The following SHANK2 variants were observed in gnomAD, a reference collection of about 807,000 sequenced individuals.
SHANK2 encodes SH3 and multiple ankyrin repeat domains 2, also known as SH3 and multiple ankyrin repeat domains protein 2.
SHANK2 carries 43 observed loss-of-function variants against 133.7 expected under a neutral mutation model. The ratio of observed to expected loss-of-function variants is 0.32; its 90% CI spans 0.25 to 0.41. The LOEUF (loss-of-function observed/expected upper bound fraction) is 0.41, where lower values mean the gene tolerates loss of function less well. SHANK2 is among the 10% of genes least tolerant of loss of function. The probability of loss-of-function intolerance (pLI) is 1.00; values close to 1 mark genes in which losing one functional copy is unlikely to be tolerated. For missense variants in SHANK2, 1,994 were observed against 2,235.8 expected (o/e 0.89, Z 2.18); for synonymous variants, 1,017 against 952.8 (o/e 1.07, Z -1.24).
intron 11 of SHANK2, among the ~76,000 whole-genome samples, chr11:70,861,130 C>T (rs1015842687): frequency 2.0e-5 from 3 of 152,216 alleles, no homozygotes; most frequent in African/African-American, 4.8e-5. Context: ...GCATTTTAAT[C>T]AGGCCCAGGT....
At chr11:70,735,585 TC>T (rs1260820010) in intron 14 of SHANK2, among the ~76,000 whole-genome samples, 10 of 151,890 alleles carry the variant, frequency 6.6e-5, no homozygotes, top group Admixed American at 2.0e-4. Flanking sequence ...GCGCCTGTAA[TC>T]CCAGCTACTT....
chr11:71,206,195 C>T (rs1954123256), intron 2 of SHANK2, among the ~76,000 whole-genome samples: 1 of 152,228 alleles, frequency 6.6e-6, no homozygotes. Flanking sequence ...TTTCTGAATT[C>T]CCTCCCATTG....
intron 2 of SHANK2, among the ~76,000 whole-genome samples, chr11:71,218,240 A>G (rs1326114517): frequency 6.6e-6 from 1 of 150,944 alleles, no homozygotes; most frequent in African/African-American, 2.4e-5. Context: ...TTATTGAAGA[A>G]ATTCTTCTAA....
chr11:71,212,211 C>T (rs1341757053), intron 2 of SHANK2, among the ~76,000 whole-genome samples: 1 of 152,134 alleles, frequency 6.6e-6, no homozygotes, highest in Non-Finnish European at 1.5e-5. Flanking sequence ...TGTACAAATG[C>T]TCTCTTATGC....
Position 70,611,538 on chromosome 11 carries a change from G to A in SHANK2, c.2061+48290C>T, listed in dbSNP as rs868994839. Among the ~76,000 whole-genome samples, 6 of 152,372 alleles carry A rather than the reference G, an allele frequency of 3.9e-5. No homozygotes were observed. In the South Asian group the frequency reaches 1.2e-3, roughly 32 times the overall value. On this transcript the variant is annotated intron_variant, in intron 17 of 25. Transcript: ENST00000601538. ...TCAGGGACTGCCTCACCTCTGGGCTGTTTGGAAGGACAGAGTGACATGGGA... is the reference window on the plus strand; with the variant it reads ...TCAGGGACTGCCTCACCTCTGGGCTATTTGGAAGGACAGAGTGACATGGGA...
intron 3 of SHANK2, among the ~76,000 whole-genome samples, chr11:71,128,045 G>A: frequency 6.6e-6 from 1 of 152,332 alleles, no homozygotes; most frequent in East Asian, 1.9e-4. Context: ...CCTGCAGGCT[G>A]AGCTGACCAC....
intron 15 of SHANK2, among the ~76,000 whole-genome samples, chr11:70,690,788 A>G (rs1945273375): frequency 6.6e-6 from 1 of 151,840 alleles, no homozygotes; most frequent in African/African-American, 2.4e-5. Flanking sequence ...AATGTTATTT[A>G]AAGGTAATCC....
At chr11:70,860,587 T>A (rs1338326273) in intron 11 of SHANK2, among the ~76,000 whole-genome samples, 1 of 152,218 alleles carries the variant, frequency 6.6e-6, no homozygotes, top group Non-Finnish European at 1.5e-5. Flanking sequence ...GTTGGGTGAA[T>A]GAACGAGGAC....
chr11:70,639,291 C>T (rs1171672767), intron 17 of SHANK2, among the ~76,000 whole-genome samples: 2 of 152,156 alleles, frequency 1.3e-5, no homozygotes, highest in Non-Finnish European at 2.9e-5. Context: ...TAGCAAAATG[C>T]CACAAACTGG....
intron 3 of SHANK2, among the ~76,000 whole-genome samples, chr11:71,141,836 A>T (rs1555105866): frequency 1.3e-5 from 2 of 152,082 alleles, no homozygotes; most frequent in African/African-American, 4.8e-5. Flanking sequence ...ATGCGAACCA[A>T]CAGAAAGCCC....
At chr11:70,811,844 C>T (rs1948287613) in intron 12 of SHANK2, among the ~76,000 whole-genome samples, 1 of 152,182 alleles carries the variant, frequency 6.6e-6, no homozygotes, top group Non-Finnish European at 1.5e-5. Flanking sequence ...ATCCATGCAT[C>T]TACCCATCCA....
At chr11:71,122,067 C>T (rs1952092327) in intron 3 of SHANK2, among the ~76,000 whole-genome samples, 1 of 152,196 alleles carries the variant, frequency 6.6e-6, no homozygotes, top group Non-Finnish European at 1.5e-5. Flanking sequence ...ACTAGTTCAA[C>T]TGTTGTGGAA....
chr11:70,703,006 T>C (rs370543277), intron 14 of SHANK2, among the ~76,000 whole-genome samples: 1 of 152,246 alleles, frequency 6.6e-6, no homozygotes, highest in East Asian at 1.9e-4. Flanking sequence ...ACTAATGCTG[T>C]CGTGGTCATA....
intron 12 of SHANK2, among the ~76,000 whole-genome samples, chr11:70,808,891 C>T (rs1475184323): frequency 6.6e-6 from 1 of 152,180 alleles, no homozygotes; most frequent in Admixed American, 6.5e-5. Context: ...GTCACGACCT[C>T]GGTTCTCCCA....
At chr11:71,227,772 A>G (rs1954665319) in intron 1 of SHANK2, among the ~76,000 whole-genome samples, 1 of 152,124 alleles carries the variant, frequency 6.6e-6, no homozygotes, top group Non-Finnish European at 1.5e-5. Context: ...ATTCTTTTCA[A>G]GTGTTCATGA....
At chr11:70,518,308 T>C (rs2059290198) in intron 17 of SHANK2, among the ~76,000 whole-genome samples, 1 of 152,164 alleles carries the variant, frequency 6.6e-6, no homozygotes, top group African/African-American at 2.4e-5. Flanking sequence ...TTAGCTGCAG[T>C]TAGCTGGGAT....
At chr11:70,865,957 CCCA>C (rs2135521483) in intron 11 of SHANK2, among the ~76,000 whole-genome samples, 1 of 152,286 alleles carries the variant, frequency 6.6e-6, no homozygotes, top group South Asian at 2.1e-4. Context: ...CCCTGGCAGT[CCCA>C]CCCTCGGGCA....
intron 11 of SHANK2, among the ~76,000 whole-genome samples, chr11:70,894,673 A>G (rs1949907037): frequency 6.6e-6 from 1 of 152,148 alleles, no homozygotes; most frequent in African/African-American, 2.4e-5. Flanking sequence ...TGCAGGCCCC[A>G]GTGAGGGTAG....
chr11:70,576,821 C>A (rs1406258253), intron 17 of SHANK2, among the ~76,000 whole-genome samples: 8 of 152,232 alleles, frequency 5.3e-5, no homozygotes, highest in Non-Finnish European at 1.0e-4. Flanking sequence ...TTATCCCTCA[C>A]TTTTCTCCCC....
Sources: allele counts gnomAD v4.1 joint callset (sites outside exome capture counted in the v4.1 genomes callset), GRCh38; gene constraint gnomAD v4.1.1; transcripts MANE v1.5; gene names NCBI Gene and HGNC (gene_info 2026-07-23, HGNC 2026-07-21).